The following AKAP6 variants were observed in gnomAD, a reference collection of about 807,000 sequenced individuals.
The protein encoded by AKAP6 is A-kinase anchoring protein 6.
In AKAP6, 58 loss-of-function variants were observed where a neutral mutation model predicts 188.5. The ratio of observed to expected loss-of-function variants is 0.31; its 90% CI spans 0.25 to 0.38. AKAP6 has a LOEUF of 0.38. Among genes scored for constraint, AKAP6 ranks in the 10% least tolerant of loss-of-function variants. The pLI is 1.00. For synonymous variants in AKAP6, 989 were observed against 998.6 expected (o/e 0.99, Z 0.18); for missense variants, 2,710 against 2,740.0 (o/e 0.99, Z 0.24).
chr14:32,785,647 A>G (rs1345507773), intron 12 of AKAP6, among the ~76,000 whole-genome samples: 2 of 152,158 alleles, frequency 1.3e-5, no homozygotes, highest in Non-Finnish European at 2.9e-5. Context: ...TGTAAATATA[A>G]GGCTCTTTGA....
intron 12 of AKAP6, among the ~76,000 whole-genome samples, chr14:32,801,719 T>C (rs745346623): frequency 2.1e-4 from 32 of 152,210 alleles, no homozygotes; most frequent in Non-Finnish European, 4.3e-4. Flanking sequence ...AGGTTTTGTT[T>C]GTCCTGAGAA....
At chr14:32,627,529 A>C (rs1887073096) in intron 7 of AKAP6, among the ~76,000 whole-genome samples, 1 of 152,122 alleles carries the variant, frequency 6.6e-6, no homozygotes, top group Non-Finnish European at 1.5e-5. Flanking sequence ...AGTACCCCTA[A>C]AAAATATATA....
intron 7 of AKAP6, among the ~76,000 whole-genome samples, chr14:32,677,155 A>C (rs916377372): frequency 6.6e-6 from 1 of 152,086 alleles, no homozygotes; most frequent in African/African-American, 2.4e-5. Flanking sequence ...TAGGCTACCC[A>C]TTTCCTTTAT....
intron 12 of AKAP6, among the ~76,000 whole-genome samples, chr14:32,795,836 G>GCAT (rs1453524841): frequency 6.6e-6 from 1 of 152,168 alleles, no homozygotes; most frequent in Middle Eastern, 3.2e-3. Context: ...AAGAGAGGAA[G>GCAT]TCAAATCATC....
chr14:32,824,934 G>A (rs896844857), intron 13 of AKAP6, 119 bp downstream of exon 13: 1 of 699,644 alleles, frequency 1.4e-6, no homozygotes, highest in Non-Finnish European at 2.3e-6. Context: ...ATCTGAATAA[G>A]ACATTTAGGT....
intron 1 of AKAP6, among the ~76,000 whole-genome samples, chr14:32,357,109 G>A (rs58521330): frequency 0.12 from 18,176 of 152,174 alleles, 1,429 homozygotes; most frequent in African/African-American, 0.22. Context: ...CTTACCATGT[G>A]TAGTCATTTT....
intron 7 of AKAP6, among the ~76,000 whole-genome samples, chr14:32,655,999 G>A (rs1269320429): frequency 6.6e-6 from 1 of 151,880 alleles, no homozygotes. Flanking sequence ...AATATCTCTC[G>A]TCTAGATATT....
intron 4 of AKAP6, among the ~76,000 whole-genome samples, chr14:32,550,542 A>G (rs1165259909): frequency 6.6e-6 from 1 of 152,180 alleles, no homozygotes; most frequent in East Asian, 1.9e-4. Flanking sequence ...ATATGACTTT[A>G]TGATATGCAG....
intron 11 of AKAP6, among the ~76,000 whole-genome samples, chr14:32,739,833 A>G (rs1430652823): frequency 1.3e-5 from 2 of 152,168 alleles, no homozygotes; most frequent in African/African-American, 2.4e-5. Context: ...TGCAACAAAT[A>G]TGAGAGTGCA....
At chr14:32,526,660 G>A (rs774153972) in intron 2 of AKAP6, among the ~76,000 whole-genome samples, 1 of 152,228 alleles carries the variant, frequency 6.6e-6, no homozygotes, top group Non-Finnish European at 1.5e-5. Context: ...GATTGCAGGT[G>A]TGAGCCACCA....
Position 32,806,930 on chromosome 14 carries a change from T to C in AKAP6, c.3589-14472T>C, listed in dbSNP as rs143277324. 1.4e-3 allele frequency among the ~76,000 whole-genome samples: 209 copies of C among 152,076 alleles called. 3 individuals carry two copies. The East Asian group carries it at 0.037, about 27-fold the overall frequency. On this transcript the variant is annotated intron_variant, in intron 12 of 13. Transcript: ENST00000280979. ...TTGGCTGGGCATGGTGGCTCACACTTGTAGTCCCAGCTACTTGGGAGGCTG... is the reference window on the plus strand; with the variant it reads ...TTGGCTGGGCATGGTGGCTCACACTCGTAGTCCCAGCTACTTGGGAGGCTG...
At chr14:32,430,222 C>A (rs1297231591) in intron 1 of AKAP6, among the ~76,000 whole-genome samples, 2 of 152,094 alleles carry the variant, frequency 1.3e-5, no homozygotes, top group African/African-American at 4.8e-5. Flanking sequence ...GATAAATAAC[C>A]CTAGGCAATC....
intron 1 of AKAP6, among the ~76,000 whole-genome samples, chr14:32,337,819 T>G (rs1594515890): frequency 6.6e-6 from 1 of 151,200 alleles, no homozygotes; most frequent in Non-Finnish European, 1.5e-5. Flanking sequence ...GAAAATAAGT[T>G]GAAAGGCAGA....
intron 1 of AKAP6, among the ~76,000 whole-genome samples, chr14:32,399,199 A>G (rs990980531): frequency 2.0e-5 from 3 of 152,076 alleles, no homozygotes; most frequent in Non-Finnish European, 4.4e-5. Context: ...TTTAAATGAA[A>G]CACTTCTTAT....
intron 9 of AKAP6, among the ~76,000 whole-genome samples, chr14:32,710,838 G>A (rs1360264032): frequency 6.6e-6 from 1 of 152,020 alleles, no homozygotes; most frequent in Non-Finnish European, 1.5e-5. Context: ...CAGAATCGGG[G>A]CTGACAACTA....
chr14:32,765,222 C>T (rs771758930), intron 11 of AKAP6, among the ~76,000 whole-genome samples: 9 of 151,938 alleles, frequency 5.9e-5, no homozygotes, highest in South Asian at 2.1e-4. Context: ...TGTGAGCCAC[C>T]GCACCCGGCT....
intron 1 of AKAP6, among the ~76,000 whole-genome samples, chr14:32,361,072 T>TATATATATATATATATATATATATATATG (rs1887647740): frequency 8.5e-6 from 1 of 117,926 alleles, no homozygotes; most frequent in Non-Finnish European, 1.9e-5. Context: ...ATATATATAT[T>TATATATATATATATATATATATATATATG]TGAGAAGCTT....
chr14:32,507,572 T>C (rs1157512969), intron 2 of AKAP6, among the ~76,000 whole-genome samples: 1 of 152,060 alleles, frequency 6.6e-6, no homozygotes, highest in Non-Finnish European at 1.5e-5. Context: ...TCCATCCTTT[T>C]TTTCCTTCCT....
Position 32,545,458 on chromosome 14 carries a change from A to G in AKAP6, c.805A>G (p.Ile269Val). 2 of 1,614,214 alleles carry G rather than the reference A, an allele frequency of 1.2e-6. No individual in the cohort carries two copies. The highest frequency in any genetic ancestry group is 1.3e-5 in the African/African-American group (1 of 75,058). ...SEMEKEFPELIRSVGLLTVAA... is the reference protein window; with the variant it reads ...SEMEKEFPELVRSVGLLTVAA... ...GATGGAAAAGGAGTTTCCTGAGCTT[A>G]TCCGAAGTGTTGGTTTACTTACGGT... is the stretch of plus-strand genomic sequence containing the variant. The change falls in exon 4 of 14, where the codon ATC (isoleucine) becomes GTC (valine). Residue 269 changes from isoleucine to valine, a missense_variant. This residue lies in a region of AKAP6 where 2,473 missense variants were observed against 2,426.1 expected (regional missense o/e 1.02). Transcript: ENST00000280979.
Sources: gnomAD v4.1 joint callset for allele counts (sites outside exome capture counted in the v4.1 genomes callset) on GRCh38, gnomAD v4.1.1 for gene constraint, gnomAD v4.1.1 regional missense constraint, MANE v1.5 for transcripts, NCBI Gene and HGNC (gene_info 2026-07-23, HGNC 2026-07-21) for gene names.